The following AGFG1 variants were observed in gnomAD, a reference collection of about 807,000 sequenced individuals.
The protein encoded by AGFG1 is ArfGAP with FG repeats 1.
Under a neutral mutation model 60.6 loss-of-function variants are expected in AGFG1, and 10 were observed. The observed-to-expected ratio is 0.16, with a 90% CI of 0.10 to 0.28. AGFG1 has a LOEUF of 0.28. Ranked by LOEUF, AGFG1 falls within the 10% of genes least tolerant of loss-of-function variation. AGFG1 has a pLI of 1.00. For missense variants in AGFG1, 537 were observed against 676.5 expected (o/e 0.79, Z 2.29); for synonymous variants, 247 against 242.9 (o/e 1.02, Z -0.16).
At chr2:227,518,731 G>T (rs1220182683) in intron 2 of AGFG1, among the ~76,000 whole-genome samples, 3 of 151,590 alleles carry the variant, frequency 2.0e-5, no homozygotes, top group Admixed American at 6.6e-5. Flanking sequence ...TCACCATTTT[G>T]GCCAGTCTAG....
intron 5 of AGFG1, among the ~76,000 whole-genome samples, chr2:227,527,385 A>G (rs935936586): frequency 1.3e-5 from 2 of 152,200 alleles, no homozygotes; most frequent in Non-Finnish European, 2.9e-5. Flanking sequence ...ACACTTATGT[A>G]TGTATGTTTG....
At position 227,554,527 on chromosome 2, in the gene AGFG1, T is replaced by C; in HGVS notation, c.*32T>C. 1 of 1,560,956 alleles carries C rather than the reference T, an allele frequency of 6.4e-7. No homozygotes were observed. The highest frequency in any genetic ancestry group is 8.8e-7 in the Non-Finnish European group (1 of 1,134,708). ...ATAGACAATTTACTGGAACGAACTTTTATGTGGTCACATTACATCTCTCCA... is the reference window on the plus strand; with the variant it reads ...ATAGACAATTTACTGGAACGAACTTCTATGTGGTCACATTACATCTCTCCA... On this transcript the variant is annotated 3_prime_UTR_variant, in exon 13 of 13. Coordinates refer to ENST00000310078, the MANE Select transcript of AGFG1 (RefSeq NM_004504.5).
In AGFG1 at chr2:227,536,890, A is replaced by G. The variant is rs1553549241; in HGVS notation, c.1286-11A>G. 1.2e-6 allele frequency: 2 copies of G among 1,608,606 alleles called. No homozygotes were observed. Among genetic ancestry groups the G allele is most frequent in the Non-Finnish European group, 1.7e-6 (2 of 1,177,474 alleles). On this transcript the variant is annotated splice_polypyrimidine_tract_variant and intron_variant, in intron 9 of 12. Transcript: ENST00000310078. ...TTAGGATTTTATAGTGTATTTTATA[A>G]TTTTTTAAAGCTACGCCTTCCACAA...
At chr2:227,515,837 C>CT (rs1388742945) in intron 2 of AGFG1, among the ~76,000 whole-genome samples, 7 of 152,158 alleles carry the variant, frequency 4.6e-5, no homozygotes, top group Non-Finnish European at 8.8e-5. Flanking sequence ...ACTTTATACT[C>CT]TATCAGCAAA....
Position 227,531,105 on chromosome 2 carries a change from A to G in AGFG1, c.709A>G (p.Asn237Asp), listed in dbSNP as rs201909660. The change falls in exon 6 of 13, where the codon AAT becomes GAT. Residue 237 changes from asparagine (N) to aspartate (D), a missense_variant. Physicochemically the swap from Asn to Asp is conservative, Grantham distance 23. Around this residue, in one of 4 missense-constraint regions of AGFG1, gnomAD observed 287 missense variants for 343.6 expected, o/e 0.84. Coordinates refer to ENST00000310078, the MANE Select transcript of AGFG1 (RefSeq NM_004504.5). ...ACCATTTACAGCTCAGAATTCTGCA[A>G]ATGCAGATTTTGCAAACTTTGATGC... ...FNSHAAQNSA[N>D]ADFANFDAFG... The G allele has an allele frequency of 3.3e-4, 530 of 1,612,738 alleles. 1 individual carries two copies. The highest frequency in any genetic ancestry group is 4.1e-4 in the Non-Finnish European group (483 of 1,179,254).
intron 2 of AGFG1, among the ~76,000 whole-genome samples, chr2:227,499,108 T>C (rs1344925475): frequency 6.6e-6 from 1 of 152,212 alleles, no homozygotes; most frequent in Non-Finnish European, 1.5e-5. Context: ...TAAACTCAAC[T>C]CTCATGTTAT....
chr2:227,512,770 C>A (rs1436756911), intron 2 of AGFG1, among the ~76,000 whole-genome samples: 2 of 151,978 alleles, frequency 1.3e-5, no homozygotes, highest in African/African-American at 4.8e-5. Context: ...TTATTTGTTC[C>A]TGTGTTTTAT....
intron 2 of AGFG1, among the ~76,000 whole-genome samples, chr2:227,514,015 G>A (rs1159710586): frequency 6.6e-6 from 1 of 152,148 alleles, no homozygotes; most frequent in African/African-American, 2.4e-5. Context: ...GCTACAAAAT[G>A]CTAGAAGTTC....
intron 5 of AGFG1, among the ~76,000 whole-genome samples, chr2:227,528,341 G>A (rs1281209792): frequency 6.6e-6 from 1 of 152,096 alleles, no homozygotes; most frequent in Non-Finnish European, 1.5e-5. Flanking sequence ...TGCTTAAGTT[G>A]TTGGAGTTGT....
chr2:227,491,743 A>G lies in AGFG1; in HGVS notation c.261+103A>G, dbSNP rs1459387789. The G allele has an allele frequency of 4.8e-6, 3 of 620,924 alleles. No individual in the cohort carries two copies. In the African/African-American group the frequency reaches 5.7e-5, roughly 12 times the overall value. The allele number at this position is 620,924 out of a possible 1,614,324, so 38.5% of individuals were successfully genotyped here. ...TAAAACGTTGAATTTCACGGTCTAAATAAGTTATTTTTGTATTTTATATTT... is the reference window on the plus strand; with the variant it reads ...TAAAACGTTGAATTTCACGGTCTAAGTAAGTTATTTTTGTATTTTATATTT... On this transcript the variant is annotated intron_variant, in intron 2 of 12. Coordinates refer to ENST00000310078, the MANE Select transcript of AGFG1 (RefSeq NM_004504.5).
chr2:227,504,273 G>C (rs1422714435), intron 2 of AGFG1, among the ~76,000 whole-genome samples: 3 of 151,386 alleles, frequency 2.0e-5, no homozygotes, highest in African/African-American at 7.3e-5. Context: ...GCTTACTGCA[G>C]CCTTGACTTC....
intron 2 of AGFG1, among the ~76,000 whole-genome samples, chr2:227,514,779 T>G (rs1691605536): frequency 1.3e-5 from 2 of 152,328 alleles, no homozygotes; most frequent in South Asian, 4.1e-4. Context: ...ATTCCATTGT[T>G]GCATATAATT....
intron 4 of AGFG1, 79 bp downstream of exon 4, chr2:227,524,004 C>G (rs1171588535): frequency 7.3e-7 from 1 of 1,378,390 alleles, no homozygotes; most frequent in Non-Finnish European, 1.0e-6. Flanking sequence ...TTGTTTAAGA[C>G]AGCAGCATAA....
intron 1 of AGFG1, among the ~76,000 whole-genome samples, chr2:227,472,847 A>G (rs1350853908): frequency 7.6e-6 from 1 of 132,336 alleles, no homozygotes; most frequent in Non-Finnish European, 1.6e-5. Context: ...CGTGGGTGGG[A>G]CGTGGGCGGG....
In AGFG1 at chr2:227,558,398, T is replaced by TC. The variant is rs2106252062; in HGVS notation, c.*3903_*3904insC. The TC allele has an allele frequency of 6.6e-6, 1 of 152,288 alleles. No homozygotes were observed. Among genetic ancestry groups the TC allele is most frequent in the African/African-American group, 2.4e-5 (1 of 41,568 alleles). The allele number at this position is 152,288 out of a possible 1,614,324, so 9.4% of individuals were successfully genotyped here. Reference sequence around the variant, plus strand: ...AATCAGTACAGTTTATTCTTGGTTTTTTTTTTTAACTTTAGAAGTAAATTA... The same window carrying TC: ...AATCAGTACAGTTTATTCTTGGTTTTCTTTTTTTAACTTTAGAAGTAAATTA... On this transcript the variant is annotated 3_prime_UTR_variant, in exon 13 of 13. Coordinates refer to ENST00000310078, the MANE Select transcript of AGFG1 (RefSeq NM_004504.5).
chr2:227,519,047 T>A (rs1159205160), intron 2 of AGFG1, among the ~76,000 whole-genome samples: 2 of 152,114 alleles, frequency 1.3e-5, no homozygotes, highest in African/African-American at 4.8e-5. Context: ...GGTGCTGCAC[T>A]CCTGTAGTCC....
chr2:227,473,775 G>C (rs1410419562), intron 1 of AGFG1, among the ~76,000 whole-genome samples: 1 of 152,178 alleles, frequency 6.6e-6, no homozygotes, highest in Non-Finnish European at 1.5e-5. Flanking sequence ...AGAAAATGCA[G>C]AACATGTCTA....
At position 227,522,447 on chromosome 2, in the gene AGFG1, A is replaced by C. The variant is rs567960331; in HGVS notation, c.378-1316A>C. 9.0e-4 allele frequency among the ~76,000 whole-genome samples: 137 copies of C among 152,314 alleles called. 1 individual carries two copies. The highest frequency in any genetic ancestry group is 2.9e-3 in the African/African-American group (122 of 41,574). ...TTATCTCTCCCATTTACTTGAAAGCAGTTGTTTGTGATTATTATGTAGTTT... is the reference window on the plus strand; with the variant it reads ...TTATCTCTCCCATTTACTTGAAAGCCGTTGTTTGTGATTATTATGTAGTTT... On this transcript the variant is annotated intron_variant, in intron 3 of 12. Coordinates refer to ENST00000310078, the MANE Select transcript of AGFG1 (RefSeq NM_004504.5).
At chr2:227,542,517 T>G (rs1016645277) in intron 10 of AGFG1, among the ~76,000 whole-genome samples, 2 of 152,204 alleles carry the variant, frequency 1.3e-5, no homozygotes, top group Admixed American at 6.5e-5. Flanking sequence ...GCCAGCTTGA[T>G]CATGGTGGAT....
Sources: gnomAD v4.1 joint callset for allele counts (sites outside exome capture counted in the v4.1 genomes callset) on GRCh38, gnomAD v4.1.1 for gene constraint, gnomAD v4.1.1 regional missense constraint, MANE v1.5 for transcripts, NCBI Gene and HGNC (gene_info 2026-07-23, HGNC 2026-07-21) for gene names.